TAF4: variants seen among roughly 807,000 people sequenced by gnomAD.
TAF4 encodes TATA-box binding protein associated factor 4, also known as transcription initiation factor TFIID subunit 4.
Under a neutral mutation model 90.3 loss-of-function variants are expected in TAF4, and 9 were observed. That is an observed-to-expected ratio of 0.10 (90% CI 0.06 to 0.17). TAF4 has a LOEUF of 0.17. TAF4 is among the 10% of genes least tolerant of loss of function. TAF4 has a pLI of 1.00. For synonymous variants in TAF4, 818 were observed against 638.9 expected (o/e 1.28, Z -4.23); for missense variants, 1,351 against 1,370.7 (o/e 0.99, Z 0.23).
intron 14 of TAF4, among the ~76,000 whole-genome samples, chr20:61,988,178 C>T (rs2055606503): frequency 6.6e-6 from 1 of 152,092 alleles, no homozygotes; most frequent in South Asian, 2.1e-4. Flanking sequence ...ATGTACACAC[C>T]AAGAGTGCAC....
rs1473121789 is a variant in TAF4 at position 61,997,573 on chromosome 20, G to A, written c.3067C>T (p.Pro1023Ser). ...GPRKKRKVDC[P>S]GPGSGAEGSG... is the part of the protein sequence containing the mutation. ...ACCTCTGCTCCTGAGCCCGGCCCCG[G>A]ACAGTCCACTTTCCTCTTTTTCCTG... Residue 1023 changes from proline (P) to serine (S), a missense_variant, in exon 14 of 15, where the codon CCG becomes TCG. Around this residue, in one of 9 missense-constraint regions of TAF4, gnomAD observed 48 missense variants for 50.6 expected, o/e 0.95. Transcript: ENST00000252996. 2 of 1,613,116 alleles carry A rather than the reference G, an allele frequency of 1.2e-6. No individual in the cohort carries two copies. The highest frequency in any genetic ancestry group is 3.3e-5 in the Admixed American group (2 of 59,718).
chr20:62,030,500 G>C (rs1344456557), intron 1 of TAF4, among the ~76,000 whole-genome samples: 3 of 152,140 alleles, frequency 2.0e-5, no homozygotes, highest in Non-Finnish European at 4.4e-5. Context: ...GCCCATTTCG[G>C]CTTTTTCTTA....
intron 14 of TAF4, among the ~76,000 whole-genome samples, chr20:61,996,649 A>G (rs1020556887): frequency 6.6e-6 from 1 of 151,658 alleles, no homozygotes; most frequent in Non-Finnish European, 1.5e-5. Flanking sequence ...AAATACAGAA[A>G]TTAGCAGGGC....
At chr20:62,044,147 A>AT (rs1030158017) in intron 1 of TAF4, among the ~76,000 whole-genome samples, 41 of 152,122 alleles carry the variant, frequency 2.7e-4, no homozygotes, top group Non-Finnish European at 4.6e-4. Flanking sequence ...TTCCAAAATT[A>AT]TTTTTTTTAA....
intron 1 of TAF4, among the ~76,000 whole-genome samples, chr20:62,017,864 A>ATTT (rs2055821368): frequency 6.6e-6 from 1 of 152,154 alleles, no homozygotes; most frequent in African/African-American, 2.4e-5. Context: ...GTATCCAGAT[A>ATTT]TATTTAAAGG....
At chr20:62,007,516 T>A (rs780525830) in intron 6 of TAF4, 31 bp downstream of exon 6, 2 of 1,607,572 alleles carry the variant, frequency 1.2e-6, no homozygotes, top group East Asian at 4.5e-5. Flanking sequence ...CTGGCCCTAC[T>A]GCTCGCAGGC....
intron 1 of TAF4, among the ~76,000 whole-genome samples, chr20:62,021,444 C>G (rs1488519901): frequency 6.6e-6 from 1 of 151,758 alleles, no homozygotes; most frequent in Non-Finnish European, 1.5e-5. Context: ...GCCCTTCTAG[C>G]TGCTGAGACA....
At chr20:62,037,460 A>C (rs2055939067) in intron 1 of TAF4, 1 of 152,544 alleles carries the variant, frequency 6.6e-6, no homozygotes, top group South Asian at 2.1e-4. Flanking sequence ...TTGTTTCTTC[A>C]GTTTCTTCTG....
chr20:62,014,567 C>T lies in TAF4; in HGVS notation c.1501G>A (p.Val501Ile), dbSNP rs1433336745. 13 of 1,612,932 alleles carry T rather than the reference C, an allele frequency of 8.1e-6. No homozygotes were observed. Among genetic ancestry groups the T allele is most frequent in the Admixed American group, 3.3e-5 (2 of 59,806 alleles). Residue 501 changes from valine (V) to isoleucine (I), a missense_variant, in exon 2 of 15, where the codon GTC (valine) becomes ATC (isoleucine). This residue lies in a region of TAF4 where 143 missense variants were observed against 176.3 expected (regional missense o/e 0.81). Transcript: ENST00000252996. ...CTCACCTGTACGGTGGAGATCTGGA[C>T]GGGAGGGGCACTTGTGGGGGTGGCA... ...RPATPTSAPPVQISTVQAPGT... is the reference protein window; with the variant it reads ...RPATPTSAPPIQISTVQAPGT...
rs7268781 is a variant in TAF4, at chr20:62,008,976, G to C, written c.1884+76C>G. 1.9e-3 allele frequency: 2,896 copies of C among 1,542,956 alleles called. 49 individuals carry two copies. In the African/African-American group the frequency reaches 0.032, roughly 17 times the overall value. On this transcript the variant is annotated intron_variant, in intron 5 of 14. Transcript: ENST00000252996. Reference sequence around the variant, plus strand: ...TGCTGGCACAGGCCTCCCGGGCACAGGTCACAGCAGCAACAGGTGTCTGTC... The same window carrying C: ...TGCTGGCACAGGCCTCCCGGGCACACGTCACAGCAGCAACAGGTGTCTGTC...
At chr20:62,014,126 C>T (rs990423307) in intron 2 of TAF4, among the ~76,000 whole-genome samples, 21 of 152,114 alleles carry the variant, frequency 1.4e-4, no homozygotes, top group African/African-American at 4.8e-4. Context: ...CTCCAGGACT[C>T]TTGGTGCCTT....
intron 1 of TAF4, among the ~76,000 whole-genome samples, chr20:62,024,165 A>T (rs1040590224): frequency 8.5e-5 from 13 of 152,222 alleles, no homozygotes; most frequent in Admixed American, 6.5e-4. Flanking sequence ...AAGCAGGCCC[A>T]CACGCGGATG....
rs990641916 is a variant in TAF4 at position 61,975,369 on chromosome 20, CAA to C, written c.*797_*798del. The C allele has an allele frequency of 6.6e-6, 1 of 152,136 alleles. No homozygotes were observed. Among genetic ancestry groups the C allele is most frequent in the Non-Finnish European group, 1.5e-5 (1 of 67,992 alleles). 9.4% of individuals were successfully genotyped at this position (152,136 alleles called of 1,614,324 possible). On this transcript the variant is annotated 3_prime_UTR_variant, in exon 15 of 15. Coordinates refer to ENST00000252996, the MANE Select transcript of TAF4 (RefSeq NM_003185.4). Reference sequence around the variant, plus strand: ...GAAACAGTCTTTTGATGATTCTTCTCAACTTTGATTTTATTTAATCTAGGTTT... The same window carrying C: ...GAAACAGTCTTTTGATGATTCTTCTCCTTTGATTTTATTTAATCTAGGTTT...
chr20:61,993,515 A>T (rs1479856848), intron 14 of TAF4, among the ~76,000 whole-genome samples: 3 of 152,202 alleles, frequency 2.0e-5, no homozygotes, highest in African/African-American at 7.2e-5. Context: ...ACAGATTTTT[A>T]AAAATGTTAA....
intron 14 of TAF4, among the ~76,000 whole-genome samples, chr20:61,988,569 T>TATCC (rs1972213860): frequency 2.0e-5 from 3 of 152,140 alleles, no homozygotes. Context: ...CCTTAAGAGG[T>TATCC]ATCCTACAAG....
At chr20:62,008,762 G>A (rs2055761968) in intron 5 of TAF4, 1 of 273,212 alleles carries the variant, frequency 3.7e-6, no homozygotes. Context: ...CATGGTTGGG[G>A]CAGCCAGAGG....
chr20:61,999,730 G>C (rs2055686847), intron 11 of TAF4, among the ~76,000 whole-genome samples: 1 of 152,222 alleles, frequency 6.6e-6, no homozygotes, highest in Non-Finnish European at 1.5e-5. Context: ...AGGATCACTT[G>C]AGGCAAGGAG....
At chr20:61,989,922 C>G (rs540568380) in intron 14 of TAF4, among the ~76,000 whole-genome samples, 3 of 152,326 alleles carry the variant, frequency 2.0e-5, no homozygotes, top group African/African-American at 7.2e-5. Context: ...GGTGGCGACA[C>G]AGGCAGGCGG....
chr20:61,982,161 C>T (rs2055548688), intron 14 of TAF4, among the ~76,000 whole-genome samples: 1 of 124,644 alleles, frequency 8.0e-6, no homozygotes, highest in Non-Finnish European at 1.7e-5. Context: ...ACACCAAACT[C>T]ACACCCCACC....
Sources: gnomAD v4.1 joint callset for allele counts (sites outside exome capture counted in the v4.1 genomes callset) on GRCh38, gnomAD v4.1.1 for gene constraint, gnomAD v4.1.1 regional missense constraint, MANE v1.5 for transcripts, NCBI Gene and HGNC (gene_info 2026-07-23, HGNC 2026-07-21) for gene names.